OXNAD1: variants seen among roughly 807,000 people sequenced by gnomAD.
OXNAD1 encodes the protein oxidoreductase NAD-binding domain-containing protein 1.
Under a neutral mutation model 32.9 loss-of-function variants are expected in OXNAD1, and 34 were observed. The ratio of observed to expected loss-of-function variants is 1.03; its 90% CI spans 0.79 to 1.38. The LOEUF (loss-of-function observed/expected upper bound fraction) is 1.38, where lower values mean the gene tolerates loss of function less well. Among genes scored for constraint, OXNAD1 ranks in the 40% most tolerant of loss-of-function variants. OXNAD1 has a pLI of 0.00. For missense variants in OXNAD1, 407 were observed against 379.4 expected (o/e 1.07, Z -0.60); for synonymous variants, 134 against 135.2 (o/e 0.99, Z 0.06).
chr3:16,301,108 CT>C lies in OXNAD1; in HGVS notation c.433-517del, dbSNP rs1293255915. On this transcript the variant is annotated intron_variant, in intron 6 of 8. Transcript: ENST00000285083. This position sits in a 1 kb window ranked among gnomAD's most constrained non-coding sequence, Gnocchi z 4.1. ...AACAGCACTGAACAGTACTACAGGG[CT>C]GGTCTAAGCCTGTAGAGCTGGTCTG... Among the ~76,000 whole-genome samples, 2 of 152,216 alleles carry C rather than the reference CT, an allele frequency of 1.3e-5. No homozygotes were observed. The highest frequency in any genetic ancestry group is 2.9e-5 in the Non-Finnish European group (2 of 68,036).
At chr3:16,278,012 G>A (rs993894610) in intron 4 of OXNAD1, among the ~76,000 whole-genome samples, 1 of 152,180 alleles carries the variant, frequency 6.6e-6, no homozygotes, top group Non-Finnish European at 1.5e-5. Context: ...GGGTCATTCC[G>A]TGCTTGGCCT....
At chr3:16,340,758 G>A (rs1490427988), downstream of OXNAD1, among the ~76,000 whole-genome samples, 4 of 152,114 alleles carry the variant, frequency 2.6e-5, no homozygotes, top group South Asian at 2.1e-4. Context: ...TGTCCAAACC[G>A]TTTCTGAACA....
At position 16,303,681 on chromosome 3, in the gene OXNAD1, A is replaced by G. The variant is rs1450957539; in HGVS notation, c.*119A>G. 2 of 1,129,782 alleles carry G rather than the reference A, an allele frequency of 1.8e-6. No homozygotes were observed. Among genetic ancestry groups the G allele is most frequent in the African/African-American group, 3.2e-5 (2 of 63,006 alleles). 70.0% of individuals were successfully genotyped at this position (1,129,782 alleles called of 1,614,324 possible). On this transcript the variant is annotated 3_prime_UTR_variant, in exon 9 of 9. Coordinates refer to ENST00000285083, the MANE Select transcript of OXNAD1 (RefSeq NM_138381.5). This position sits in a 1 kb window ranked among gnomAD's most constrained non-coding sequence, Gnocchi z 4.8. ...GAGTTGTCTTATTTTTTAAGGCTAT[A>G]AACTTAGTGACCAGCTGGATAATAA...
At chr3:16,309,993 G>A (rs998181364), downstream of OXNAD1, among the ~76,000 whole-genome samples, 2 of 152,208 alleles carry the variant, frequency 1.3e-5, no homozygotes, top group Non-Finnish European at 2.9e-5. Flanking sequence ...GACAGAATAA[G>A]AAGACATTGT....
In OXNAD1 at chr3:16,280,719, T is replaced by G. The variant is rs944069844; in HGVS notation, c.184-5623T>G. On this transcript the variant is annotated intron_variant, in intron 4 of 8. Coordinates refer to ENST00000285083, the MANE Select transcript of OXNAD1 (RefSeq NM_138381.5). The surrounding 1 kb of genome is among the most constrained non-coding windows in gnomAD (Gnocchi z 4.5). ...CCAGGTTTCCAAAGAAATACCTATTTCCTGTACAGAGACTTTTGCACCAGC... is the reference window on the plus strand; with the variant it reads ...CCAGGTTTCCAAAGAAATACCTATTGCCTGTACAGAGACTTTTGCACCAGC... Among the ~76,000 whole-genome samples the G allele has an allele frequency of 6.6e-6, 1 of 152,154 alleles. No individual in the cohort carries two copies. The highest frequency in any genetic ancestry group is 1.5e-5 in the Non-Finnish European group (1 of 68,010).
chr3:16,317,019 T>C lies in OXNAD1; in HGVS notation c.*30+13427T>C, dbSNP rs777837812. 6.2e-7 allele frequency: 1 copy of C among 1,613,974 alleles called. No individual in the cohort carries two copies. The highest frequency in any genetic ancestry group is 1.1e-5 in the South Asian group (1 of 91,074). ...CCACCAGGGGACAGCTGTTCTCCCT[T>C]GTCCTCTTGGACAGGGCCCTTCATC... On this transcript the variant is annotated intron_variant, in intron 9 of 9. Coordinates refer to the OXNAD1 transcript ENST00000435829. The surrounding 1 kb of genome is among the most constrained non-coding windows in gnomAD (Gnocchi z 4.3).
chr3:16,279,713 G>C (rs375096008), intron 4 of OXNAD1, among the ~76,000 whole-genome samples: 4 of 152,056 alleles, frequency 2.6e-5, no homozygotes, highest in African/African-American at 9.7e-5. Flanking sequence ...GAAAGAGAGA[G>C]GAGCCAACTG....
At chr3:16,309,017 C>G (rs1364351901), downstream of OXNAD1, among the ~76,000 whole-genome samples, 1 of 152,172 alleles carries the variant, frequency 6.6e-6, no homozygotes, top group East Asian at 1.9e-4. Context: ...CTCCCCCATC[C>G]TATTCCCTTG....
At position 16,342,870 on chromosome 3, in the gene OXNAD1, C is replaced by A. The variant is rs2071404069; in HGVS notation, c.*31-6306C>A. 6.6e-6 allele frequency among the ~76,000 whole-genome samples: 1 copy of A among 152,196 alleles called. No homozygotes were observed. The highest frequency in any genetic ancestry group is 2.4e-5 in the African/African-American group (1 of 41,446). Reference sequence around the variant, plus strand: ...AATTTTTTACATGCAGTTCCCTAATCTCCACCCCGAAGACCCACTGACTTT... The same window carrying A: ...AATTTTTTACATGCAGTTCCCTAATATCCACCCCGAAGACCCACTGACTTT... On this transcript the variant is annotated intron_variant, in intron 9 of 9. Coordinates refer to the OXNAD1 transcript ENST00000606098. The surrounding 1 kb of genome is among the most constrained non-coding windows in gnomAD (Gnocchi z 4.0).
Position 16,281,943 on chromosome 3 carries a change from C to A in OXNAD1, c.184-4399C>A, listed in dbSNP as rs543210575. Among the ~76,000 whole-genome samples the A allele has an allele frequency of 3.7e-3, 523 of 140,624 alleles. 5 individuals are homozygous for A. The highest frequency in any genetic ancestry group is 0.013 in the African/African-American group (503 of 37,582). 92.3% of individuals were successfully genotyped at this position (140,624 alleles called of 152,430 possible). ...AGACAGGGTCTCACTTGGCTCACTG[C>A]AGTCTTGACCTCCAGGCTCAAGTGA... is the stretch of plus-strand genomic sequence containing the variant. On this transcript the variant is annotated intron_variant, in intron 4 of 8. Transcript: ENST00000285083.
rs1253428369 is a variant in OXNAD1 at position 16,280,431 on chromosome 3, G to GT, written c.184-5910dup. Among the ~76,000 whole-genome samples the GT allele has an allele frequency of 6.6e-6, 1 of 152,008 alleles. No homozygotes were observed. Among genetic ancestry groups the GT allele is most frequent in the Non-Finnish European group, 1.5e-5 (1 of 68,010 alleles). On this transcript the variant is annotated intron_variant, in intron 4 of 8. Coordinates refer to ENST00000285083, the MANE Select transcript of OXNAD1 (RefSeq NM_138381.5). The surrounding 1 kb of genome is among the most constrained non-coding windows in gnomAD (Gnocchi z 4.5). Reference sequence around the variant, plus strand: ...GAGAATTTTGTGTCTACCTTTGTTAGTAAATCACTTGAGTAAAATCTGCTT... The same window carrying GT: ...GAGAATTTTGTGTCTACCTTTGTTAGTTAAATCACTTGAGTAAAATCTGCTT...
chr3:16,294,072 G>A (rs1376561081), intron 5 of OXNAD1, among the ~76,000 whole-genome samples: 2 of 152,128 alleles, frequency 1.3e-5, no homozygotes, highest in Non-Finnish European at 2.9e-5. Context: ...TTGGTATGAG[G>A]GTAATACTGG....
exon 10 of OXNAD1, chr3:16,349,434 G>A (rs1051653101): frequency 1.3e-5 from 2 of 152,328 alleles, no homozygotes; most frequent in Admixed American, 6.5e-5. Context: ...CCCAAAAGAG[G>A]AGGAATGTTG....
chr3:16,283,454 G>T (rs2065883673), intron 4 of OXNAD1, among the ~76,000 whole-genome samples: 1 of 152,204 alleles, frequency 6.6e-6, no homozygotes, highest in South Asian at 2.1e-4. Flanking sequence ...TCTGCAAGAT[G>T]TAGGATAACA....
At chr3:16,318,585 C>T (rs1178179506) in intron 9 of OXNAD1, among the ~76,000 whole-genome samples, 1 of 150,754 alleles carries the variant, frequency 6.6e-6, no homozygotes, top group Non-Finnish European at 1.5e-5. Flanking sequence ...TTTGCCCAAA[C>T]ACAGAATTCT....
chr3:16,309,750 T>C (rs1480583174), downstream of OXNAD1, among the ~76,000 whole-genome samples: 3 of 152,226 alleles, frequency 2.0e-5, no homozygotes, highest in Non-Finnish European at 4.4e-5. Flanking sequence ...ACAACTTGTT[T>C]CCTGTGTGAC....
Position 16,334,580 on chromosome 3 carries a change from A to G in OXNAD1, c.*31-2532A>G, listed in dbSNP as rs529628460. On this transcript the variant is annotated intron_variant, in intron 9 of 9. Coordinates refer to the OXNAD1 transcript ENST00000435829. This position sits in a 1 kb window ranked among gnomAD's most constrained non-coding sequence, Gnocchi z 4.3. ...TCAGAGAACTGGGCAATGGCTGCTC[A>G]TGTGTTGAGCCGGGGCATACAGGAT... 3.8e-4 allele frequency among the ~76,000 whole-genome samples: 58 copies of G among 152,288 alleles called. 2 individuals are homozygous for G. In the South Asian group the frequency reaches 0.011, roughly 29 times the overall value.
Position 16,299,348 on chromosome 3 carries a change from T to G in OXNAD1, c.433-2278T>G, listed in dbSNP as rs2067019132. ...AAGGAAAGAATATTTTAAAGCACTT[T>G]GGTAGCCACTGTAGCAGTTCCTAGA... is the stretch of plus-strand genomic sequence containing the variant. On this transcript the variant is annotated intron_variant, in intron 6 of 8. Transcript: ENST00000285083. The surrounding 1 kb of genome is among the most constrained non-coding windows in gnomAD (Gnocchi z 4.4). Among the ~76,000 whole-genome samples the G allele has an allele frequency of 6.6e-6, 1 of 152,220 alleles. No individual in the cohort carries two copies. The highest frequency in any genetic ancestry group is 2.1e-4 in the South Asian group (1 of 4,824).
chr3:16,274,365 C>T (rs1350474592), intron 4 of OXNAD1, among the ~76,000 whole-genome samples: 1 of 152,026 alleles, frequency 6.6e-6, no homozygotes, highest in African/African-American at 2.4e-5. Flanking sequence ...TTTGAAGTAC[C>T]TCACCTGAGA....
Sources: allele counts gnomAD v4.1 joint callset (sites outside exome capture counted in the v4.1 genomes callset), GRCh38; gene constraint gnomAD v4.1.1; non-coding constraint Gnocchi (gnomAD v3.1); transcripts MANE v1.5; gene names NCBI Gene and HGNC (gene_info 2026-07-23, HGNC 2026-07-21).